TMEM94: variants seen among roughly 807,000 people sequenced by gnomAD.
The protein encoded by TMEM94 is ER Mg2+ ATPase.
In TMEM94, 81 loss-of-function variants were observed where a neutral mutation model predicts 158.6. That is an observed-to-expected ratio of 0.51 (90% CI 0.43 to 0.61). The LOEUF is 0.61. TMEM94 is among the 20% of genes least tolerant of loss of function. The pLI, the probability that TMEM94 is intolerant of heterozygous loss-of-function variation, is 0.00. For missense variants in TMEM94, 1,435 were observed against 1,762.0 expected, an observed-to-expected ratio of 0.81 and a Z score of 3.32; for synonymous variants, 751 against 730.7, an observed-to-expected ratio of 1.03 and a Z score of -0.45.
At chr17:75,497,947 G>C (rs1010109702) in intron 27 of TMEM94, 85 bp downstream of exon 27, 1 of 1,313,600 alleles carries the variant, frequency 7.6e-7, no homozygotes. Flanking sequence ...TAATCTGGAA[G>C]GCTCTGGATG....
intron 1 of TMEM94, among the ~76,000 whole-genome samples, chr17:75,460,828 A>G (rs2050040449): frequency 6.6e-6 from 1 of 151,908 alleles, no homozygotes; most frequent in Admixed American, 6.6e-5. Flanking sequence ...TAAGGAAAAA[A>G]ATACATAGTA....
intron 2 of TMEM94, chr17:75,476,424 C>T (rs966027920): frequency 2.8e-6 from 3 of 1,061,988 alleles, no homozygotes; most frequent in African/African-American, 1.6e-5. Context: ...TCCTCTTCTC[C>T]CCTCCCTCCC....
chr17:75,489,302 T>C lies in TMEM94; in HGVS notation c.801T>C (p.Thr267=). 20 of 1,614,236 alleles carry C rather than the reference T, an allele frequency of 1.2e-5. No homozygotes were observed. The highest frequency in any genetic ancestry group is 1.7e-5 in the Non-Finnish European group (20 of 1,180,046). ...CLDMALSRPV[T]ALDNERFTVQ... is the part of the protein sequence containing the mutation. ...ACATGGCCCTGTCCCGACCAGTCACTGCCCTGGACAATGAGCGGTTCACAG... is the reference window on the plus strand; with the variant it reads ...ACATGGCCCTGTCCCGACCAGTCACCGCCCTGGACAATGAGCGGTTCACAG... Residue 267 remains threonine (T), a synonymous_variant, in exon 8 of 32, where the codon ACT becomes ACC. Transcript: ENST00000314256. The surrounding 1 kb of genome is among the most constrained non-coding windows in gnomAD (Gnocchi z 5.0).
chr17:75,474,406 C>CG (rs1251614203), intron 2 of TMEM94, among the ~76,000 whole-genome samples: 96 of 151,568 alleles, frequency 6.3e-4, no homozygotes, highest in African/African-American at 2.0e-3. Context: ...TTTGGGAGGC[C>CG]AAGGTGGGCA....
Position 75,498,122 on chromosome 17 carries a change from G to A in TMEM94, c.3490-53G>A, listed in dbSNP as rs2052914273. 2 of 1,604,952 alleles carry A rather than the reference G, an allele frequency of 1.2e-6. No individual in the cohort carries two copies. The highest frequency in any genetic ancestry group is 2.2e-5 in the East Asian group (1 of 44,756). ...CGTTGAATACGTGGAAGAGCTAGGA[G>A]CAGCCGGCAGAGGGGCTGTGCGCCC... On this transcript the variant is annotated intron_variant, in intron 27 of 31. Coordinates refer to ENST00000314256, the MANE Select transcript of TMEM94 (RefSeq NM_014738.6). This position sits in a 1 kb window ranked among gnomAD's most constrained non-coding sequence, Gnocchi z 6.7.
At chr17:75,469,641 G>A (rs1008073340) in intron 1 of TMEM94, among the ~76,000 whole-genome samples, 3 of 148,868 alleles carry the variant, frequency 2.0e-5, no homozygotes, top group Non-Finnish European at 3.0e-5. Context: ...CACTGTGCTC[G>A]GCCTTAACCC....
Position 75,492,942 on chromosome 17 carries a change from G to A in TMEM94, c.1926G>A (p.Gly642=). ...CCCGCCCTGCAGGCTTCACTCCTGGGGCCAAGGAGCTTTTCAAGCAGGAGA... is the reference window on the plus strand; with the variant it reads ...CCCGCCCTGCAGGCTTCACTCCTGGAGCCAAGGAGCTTTTCAAGCAGGAGA... ...ELARLIGFTP[G]AKELFKQENH... Residue 642 remains glycine, a synonymous_variant, in exon 16 of 32, where the codon GGG becomes GGA. Coordinates refer to ENST00000314256, the MANE Select transcript of TMEM94 (RefSeq NM_014738.6). This position sits in a 1 kb window ranked among gnomAD's most constrained non-coding sequence, Gnocchi z 4.4. 1.2e-6 allele frequency: 2 copies of A among 1,613,076 alleles called. No individual in the cohort carries two copies. Among genetic ancestry groups the A allele is most frequent in the Non-Finnish European group, 1.7e-6 (2 of 1,179,576 alleles).
rs1283172017 is a variant in TMEM94, at chr17:75,499,370, C to G, written c.*36C>G. The G allele has an allele frequency of 6.3e-7, 1 of 1,590,702 alleles. No individual in the cohort carries two copies. The highest frequency in any genetic ancestry group is 8.6e-7 in the Non-Finnish European group (1 of 1,159,318). The stretch of plus-strand genomic sequence containing the variant: ...GTGGTGGCTGTAGTTGCCCCCGTCC[C>G]TGGGGCTAAAGCCAGACCCATTTCT... On this transcript the variant is annotated 3_prime_UTR_variant, in exon 32 of 32. Coordinates refer to ENST00000314256, the MANE Select transcript of TMEM94 (RefSeq NM_014738.6).
chr17:75,499,235 C>A (rs1453632331), intron 31 of TMEM94, 27 bp from the exon 32 acceptor site: 9 of 1,612,868 alleles, frequency 5.6e-6, no homozygotes, highest in Non-Finnish European at 7.6e-6. Context: ...CTTTGCCAAC[C>A]TGTACTTTAA....
chr17:75,499,140 C>T (rs529960053), intron 31 of TMEM94, 58 bp downstream of exon 31: 3 of 1,580,058 alleles, frequency 1.9e-6, no homozygotes, highest in Non-Finnish European at 2.6e-6. Context: ...AAACCTGTTA[C>T]TCCCTTGGCG....
chr17:75,478,439 G>A (rs1282166942), intron 2 of TMEM94, among the ~76,000 whole-genome samples: 3 of 152,118 alleles, frequency 2.0e-5, no homozygotes, highest in Non-Finnish European at 4.4e-5. Flanking sequence ...GAAACCTGAC[G>A]GAAGCGGCAC....
intron 18 of TMEM94, 67 bp downstream of exon 18, chr17:75,493,983 A>G: frequency 6.6e-7 from 1 of 1,504,360 alleles, no homozygotes; most frequent in Non-Finnish European, 9.0e-7. Flanking sequence ...GCCCAGGAGC[A>G]GGGAGGGCGT....
chr17:75,465,895 A>G (rs973192327), intron 1 of TMEM94, among the ~76,000 whole-genome samples: 2 of 151,464 alleles, frequency 1.3e-5, no homozygotes, highest in East Asian at 3.9e-4. Context: ...TTTATGGAAC[A>G]ATTTATCAGT....
chr17:75,461,970 C>T (rs1406703351), intron 1 of TMEM94, among the ~76,000 whole-genome samples: 1 of 146,210 alleles, frequency 6.8e-6, no homozygotes, highest in African/African-American at 2.5e-5. Context: ...TTTCCTATCT[C>T]CTATATAAAT....
intron 1 of TMEM94, among the ~76,000 whole-genome samples, chr17:75,461,996 G>GTTTTTTTTTTTTTTTTTT (rs1212545027): frequency 1.5e-5 from 1 of 66,060 alleles, no homozygotes; most frequent in African/African-American, 4.1e-5. Context: ...AGTTTTTTTT[G>GTTTTTTTTTTTTTTTTTT]TTTTGTTTTG....
rs776224966 is a variant in TMEM94 at position 75,495,562 on chromosome 17, A to G, written c.2863A>G (p.Ile955Val). ...TCTCCAGGCCAAGCTGCCCCGGGGT[A>G]TCCACCAAGTGCGGCCCCACCTGCA... ...DSNRAKLPRG[I>V]HQVRPHLQNI... The change falls in exon 22 of 32, where the codon ATC (isoleucine) becomes GTC (valine). Residue 955 changes from isoleucine (I) to valine (V), a missense_variant. Ile to Val is a conservative substitution (Grantham distance 29, BLOSUM62 3). This residue lies in a region of TMEM94 where 1,051 missense variants were observed against 1,254.4 expected (regional missense o/e 0.84). Coordinates refer to ENST00000314256, the MANE Select transcript of TMEM94 (RefSeq NM_014738.6). The surrounding 1 kb of genome is among the most constrained non-coding windows in gnomAD (Gnocchi z 5.6). 1.2e-5 allele frequency: 20 copies of G among 1,613,396 alleles called. No individual in the cohort carries two copies. The East Asian group carries it at 4.0e-4, about 32-fold the overall frequency.
At chr17:75,496,862 G>A (rs2052744795) in intron 25 of TMEM94, 55 bp downstream of exon 25, 3 of 1,556,402 alleles carry the variant, frequency 1.9e-6, no homozygotes, top group East Asian at 2.2e-5. Flanking sequence ...CTTCACTCAG[G>A]GGCCAGCTGA....
At chr17:75,479,009 G>A (rs1194173560) in intron 2 of TMEM94, among the ~76,000 whole-genome samples, 2 of 152,104 alleles carry the variant, frequency 1.3e-5, no homozygotes, top group East Asian at 1.9e-4. Context: ...CTGTTCCCTC[G>A]CTATGCCCTG....
chr17:75,486,453 G>T, intron 5 of TMEM94, 27 bp downstream of exon 5: 6 of 1,614,036 alleles, frequency 3.7e-6, no homozygotes, highest in Non-Finnish European at 5.1e-6. Context: ...GCATATTGGT[G>T]GGAAAAGATG....
Sources: allele counts gnomAD v4.1 joint callset (sites outside exome capture counted in the v4.1 genomes callset), GRCh38; gene constraint gnomAD v4.1.1; regional missense constraint gnomAD v4.1.1; non-coding constraint Gnocchi (gnomAD v3.1); transcripts MANE v1.5; gene names NCBI Gene and HGNC (gene_info 2026-07-23, HGNC 2026-07-21).